The following LRP1B variants were observed in gnomAD, a reference collection of about 807,000 sequenced individuals.
LRP1B encodes LDL receptor related protein 1B.
LRP1B carries 217 observed loss-of-function variants against 556.6 expected under a neutral mutation model. The observed-to-expected ratio is 0.39, with a 90% confidence interval of 0.35 to 0.44. The LOEUF (loss-of-function observed/expected upper bound fraction) is 0.44. LRP1B is among the 20% of genes least tolerant of loss of function. The pLI is 1.00. For synonymous variants in LRP1B, 2,047 were observed against 1,865.8 expected (o/e 1.10, Z -2.50); for missense variants, 5,053 against 5,620.8 (o/e 0.90, Z 3.23).
At chr2:141,622,221 AC>A (rs1168062003) in intron 2 of LRP1B, among the ~76,000 whole-genome samples, 2 of 152,186 alleles carry the variant, frequency 1.3e-5, no homozygotes, top group East Asian at 3.8e-4. Context: ...AAGGGATTTA[AC>A]TAATTAATGG....
At chr2:141,918,133 T>C (rs1370344354) in intron 1 of LRP1B, among the ~76,000 whole-genome samples, 1 of 152,064 alleles carries the variant, frequency 6.6e-6, no homozygotes, top group Non-Finnish European at 1.5e-5. Flanking sequence ...GAACCCTATA[T>C]ACTTTTTTAA....
intron 66 of LRP1B, among the ~76,000 whole-genome samples, chr2:140,409,183 G>A (rs954183878): frequency 7.2e-5 from 11 of 151,832 alleles, no homozygotes; most frequent in African/African-American, 2.7e-4. Context: ...TATATTCTGG[G>A]TAATTACCTT....
intron 43 of LRP1B, among the ~76,000 whole-genome samples, chr2:140,583,326 C>T (rs1462303575): frequency 6.6e-6 from 1 of 151,670 alleles, no homozygotes; most frequent in Non-Finnish European, 1.5e-5. Context: ...AGGCGAGCAC[C>T]ACCACATCCA....
At chr2:140,513,303 A>T (rs1689743353) in intron 51 of LRP1B, among the ~76,000 whole-genome samples, 1 of 152,074 alleles carries the variant, frequency 6.6e-6, no homozygotes, top group Non-Finnish European at 1.5e-5. Flanking sequence ...TGCCCCTATA[A>T]TACTGTGTCC....
chr2:141,831,252 T>C (rs1697103429), intron 1 of LRP1B, among the ~76,000 whole-genome samples: 1 of 151,700 alleles, frequency 6.6e-6, no homozygotes, highest in African/African-American at 2.4e-5. Flanking sequence ...TACATTATAC[T>C]TCAGCAAATT....
intron 5 of LRP1B, among the ~76,000 whole-genome samples, chr2:141,239,297 A>G (rs1197128382): frequency 6.6e-6 from 1 of 152,100 alleles, no homozygotes; most frequent in Non-Finnish European, 1.5e-5. Flanking sequence ...GCCCTTGGCA[A>G]TAGATGTGAC....
At chr2:140,374,881 T>C (rs1030605832) in intron 68 of LRP1B, among the ~76,000 whole-genome samples, 4 of 152,134 alleles carry the variant, frequency 2.6e-5, no homozygotes, top group African/African-American at 7.2e-5. Flanking sequence ...CCAATGGTAC[T>C]GTTGTGTCAT....
intron 7 of LRP1B, among the ~76,000 whole-genome samples, chr2:141,145,899 G>A (rs1005612791): frequency 1.5e-5 from 2 of 137,408 alleles, no homozygotes; most frequent in African/African-American, 2.7e-5. Flanking sequence ...GTTATTTCAC[G>A]TTTTTCTTTT....
chr2:140,361,375 T>TATATATATATAA (rs1162547464), intron 72 of LRP1B, among the ~76,000 whole-genome samples: 1 of 131,100 alleles, frequency 7.6e-6, no homozygotes, highest in East Asian at 2.2e-4. Context: ...TATATATATA[T>TATATATATATAA]ATATAACAAA....
At chr2:140,841,746 A>G (rs780233605) in intron 29 of LRP1B, among the ~76,000 whole-genome samples, 32 of 152,334 alleles carry the variant, frequency 2.1e-4, no homozygotes, top group Non-Finnish European at 2.2e-4. Flanking sequence ...TGAATTAGAC[A>G]TCTTTTAAAA....
At chr2:140,576,115 C>A (rs181458499) in intron 43 of LRP1B, among the ~76,000 whole-genome samples, 1 of 152,018 alleles carries the variant, frequency 6.6e-6, no homozygotes, top group Non-Finnish European at 1.5e-5. Context: ...GTGCTGAAGA[C>A]GATCCATGGA....
At chr2:141,584,251 GA>G (rs1317934663) in intron 2 of LRP1B, among the ~76,000 whole-genome samples, 272 of 136,342 alleles carry the variant, frequency 2.0e-3, no homozygotes, top group African/African-American at 6.5e-3. Context: ...TCTCAAAAAA[GA>G]AAAAAAAAAA....
intron 41 of LRP1B, among the ~76,000 whole-genome samples, chr2:140,612,880 G>A (rs1323249872): frequency 6.6e-6 from 1 of 151,958 alleles, no homozygotes; most frequent in Non-Finnish European, 1.5e-5. Context: ...CCGGAGGAAG[G>A]AGCAGAAGCA....
At chr2:140,421,147 C>A (rs1049879326) in intron 66 of LRP1B, among the ~76,000 whole-genome samples, 1 of 151,842 alleles carries the variant, frequency 6.6e-6, no homozygotes, top group Non-Finnish European at 1.5e-5. Context: ...TCCATCCACT[C>A]GGGAGGCTGA....
intron 66 of LRP1B, among the ~76,000 whole-genome samples, chr2:140,421,679 G>T (rs1442729610): frequency 6.6e-6 from 1 of 152,114 alleles, no homozygotes; most frequent in African/African-American, 2.4e-5. Context: ...TAATTTTAGG[G>T]TCTAATGTAA....
intron 2 of LRP1B, among the ~76,000 whole-genome samples, chr2:141,646,090 A>C (rs2105371874): frequency 6.6e-6 from 1 of 152,280 alleles, no homozygotes; most frequent in South Asian, 2.1e-4. Flanking sequence ...AATTGCCTAA[A>C]TATTGTCAAC....
rs1687112639 is a variant in LRP1B, at chr2:140,456,501, A to T, written c.9917T>A (p.Leu3306Gln). 6.2e-7 allele frequency: 1 copy of T among 1,613,384 alleles called. No homozygotes were observed. The highest frequency in any genetic ancestry group is 1.3e-5 in the African/African-American group (1 of 74,934). ...HTCACPTNFY[L>Q]AADNRTCLSN... ...TAAGCAAGTCCTATTATCAGCTGCC[A>T]GATAGAAGTTAGTGGGACATGCACA... is the stretch of plus-strand genomic sequence containing the variant. Residue 3306 changes from leucine (L) to glutamine (Q), a missense_variant, in exon 62 of 91, where the codon CTG (leucine) becomes CAG (glutamine). Leu to Gln is a moderately radical substitution (Grantham distance 113). Transcript: ENST00000389484.
intron 84 of LRP1B, among the ~76,000 whole-genome samples, chr2:140,297,159 A>G (rs1388472856): frequency 6.6e-6 from 1 of 152,144 alleles, no homozygotes; most frequent in South Asian, 2.1e-4. Flanking sequence ...AGACAAGTAC[A>G]TGGGCATAGG....
intron 44 of LRP1B, 137 bp downstream of exon 44, chr2:140,541,642 T>C (rs1680135970): frequency 1.5e-6 from 1 of 674,044 alleles, no homozygotes; most frequent in Non-Finnish European, 2.3e-6. Context: ...AAAAACAAAA[T>C]CCACAGTCAT....
Sources: gnomAD v4.1 joint callset for allele counts (sites outside exome capture counted in the v4.1 genomes callset) on GRCh38, gnomAD v4.1.1 for gene constraint, MANE v1.5 for transcripts, NCBI Gene and HGNC (gene_info 2026-07-23, HGNC 2026-07-21) for gene names.